Variants in PLAGL1 observed in about 807,000 individuals in gnomAD.
The protein encoded by PLAGL1 is zinc finger protein PLAGL1.
PLAGL1 carries 1 observed loss-of-function variant against 4.6 expected under a neutral mutation model. The ratio of observed to expected loss-of-function variants is 0.22; its 90% CI spans 0.08 to 1.03. The LOEUF (loss-of-function observed/expected upper bound fraction) is 1.03, where lower values mean the gene tolerates loss of function less well. PLAGL1 is among the 50% of genes least tolerant of loss of function. PLAGL1 has a pLI of 0.58. For missense variants in PLAGL1, 464 were observed against 570.4 expected, an observed-to-expected ratio of 0.81 and a Z score of 1.90; for synonymous variants, 240 against 237.8, an observed-to-expected ratio of 1.01 and a Z score of -0.08.
Position 143,989,341 on chromosome 6 carries a change from G to A in PLAGL1, c.-583-4167C>T, listed in dbSNP as rs960820422. Among the ~76,000 whole-genome samples, 11 of 152,188 alleles carry A rather than the reference G, an allele frequency of 7.2e-5. No homozygotes were observed. Among genetic ancestry groups the A allele is most frequent in the African/African-American group, 2.2e-4 (9 of 41,444 alleles). ...CAGGTTAAACATTATTTCTGGCTAC[G>A]TCCATGCAGGTATTTCTGGATGAAA... On this transcript the variant is annotated intron_variant, in intron 1 of 7. Transcript: ENST00000674357. The surrounding 1 kb of genome is among the most constrained non-coding windows in gnomAD (Gnocchi z 4.8).
intron 1 of PLAGL1, among the ~76,000 whole-genome samples, chr6:143,991,303 C>G (rs1008961036): frequency 3.9e-5 from 6 of 152,120 alleles, no homozygotes; most frequent in African/African-American, 1.4e-4. Flanking sequence ...CCAACCAAGT[C>G]CAAAATATAT....
chr6:144,060,126 C>T (rs1215516201), intron 1 of PLAGL1, among the ~76,000 whole-genome samples: 1 of 152,082 alleles, frequency 6.6e-6, no homozygotes, highest in Non-Finnish European at 1.5e-5. Context: ...CAGCTCACTG[C>T]AGCCTCGACC....
At chr6:144,023,696 C>A (rs1053112488) in intron 1 of PLAGL1, among the ~76,000 whole-genome samples, 2 of 146,680 alleles carry the variant, frequency 1.4e-5, no homozygotes, top group African/African-American at 5.1e-5. Context: ...TACAGATAAG[C>A]AAGAGGGGAA....
rs143321508 is a variant in PLAGL1, at chr6:144,044,317, C to T, written c.-151+20151G>A. On this transcript the variant is annotated intron_variant, in intron 1 of 3. Transcript: ENST00000437412. ...CCTGCTTTGTCTTGTGGGCATTTAG[C>T]GCTATAAATTTCCCTCTACACACTG... 9.4e-4 allele frequency among the ~76,000 whole-genome samples: 143 copies of T among 152,244 alleles called. 1 individual carries two copies. In the East Asian group the frequency reaches 0.017, roughly 18 times the overall value.
chr6:144,024,627 T>C (rs1796210364), intron 1 of PLAGL1, among the ~76,000 whole-genome samples: 1 of 152,224 alleles, frequency 6.6e-6, no homozygotes, highest in African/African-American at 2.4e-5. Context: ...TTAAGTAGTC[T>C]TAGGTATGTC....
In PLAGL1 at chr6:143,942,672, A is replaced by G; in HGVS notation, c.153-9T>C. ...AATGGGTAGCCATATGCCTAGGAGC[A>G]GAAGGAGAAATTTCACAATAGAGAG... On this transcript the variant is annotated splice_polypyrimidine_tract_variant and intron_variant, in intron 7 of 7. Transcript: ENST00000674357. The surrounding 1 kb of genome is among the most constrained non-coding windows in gnomAD (Gnocchi z 7.6). 1 of 1,600,320 alleles carries G rather than the reference A, an allele frequency of 6.2e-7. No homozygotes were observed. Among genetic ancestry groups the G allele is most frequent in the Non-Finnish European group, 8.5e-7 (1 of 1,172,862 alleles).
At position 143,973,442 on chromosome 6, in the gene PLAGL1, G is replaced by A. The variant is rs1031059652; in HGVS notation, c.-543-4464C>T. On this transcript the variant is annotated intron_variant, in intron 2 of 7. Transcript: ENST00000674357. This position sits in a 1 kb window ranked among gnomAD's most constrained non-coding sequence, Gnocchi z 6.2. ...AATCACCCAGCATAATATACTGCTC[G>A]CTAGTTCATCCAAGGTCAGAGGGAG... 1.3e-5 allele frequency among the ~76,000 whole-genome samples: 2 copies of A among 152,102 alleles called. No homozygotes were observed. Among genetic ancestry groups the A allele is most frequent in the Non-Finnish European group, 2.9e-5 (2 of 68,030 alleles).
rs55768066 is a variant in PLAGL1 at position 143,985,982 on chromosome 6, T to TTATA, written c.-583-812_-583-809dup. ...TATATCAAATTATATATATATAAAA[T>TTATA]TATATATATATATATATATATATAT... On this transcript the variant is annotated intron_variant, in intron 1 of 7. Coordinates refer to ENST00000674357, the MANE Select transcript of PLAGL1 (RefSeq NM_001317162.2). This position sits in a 1 kb window ranked among gnomAD's most constrained non-coding sequence, Gnocchi z 4.4. Among the ~76,000 whole-genome samples, 3,186 of 111,440 alleles carry TTATA rather than the reference T, an allele frequency of 0.029. 146 individuals carry two copies. Among genetic ancestry groups the TTATA allele is most frequent in the African/African-American group, 0.058 (1,675 of 28,856 alleles). 73.1% of individuals were successfully genotyped at this position (111,440 alleles called of 152,430 possible).
Position 144,055,877 on chromosome 6 carries a change from G to C in PLAGL1, c.-151+8591C>G, listed in dbSNP as rs1798929701. 2.6e-5 allele frequency among the ~76,000 whole-genome samples: 4 copies of C among 152,150 alleles called. No homozygotes were observed. Among genetic ancestry groups the C allele is most frequent in the Admixed American group, 2.6e-4 (4 of 15,280 alleles). On this transcript the variant is annotated intron_variant, in intron 1 of 3. Coordinates refer to the PLAGL1 transcript ENST00000437412. This position sits in a 1 kb window ranked among gnomAD's most constrained non-coding sequence, Gnocchi z 5.0. Reference sequence around the variant, plus strand: ...CATTCACACACACAGAGAGATTCATGTTCCACCTACATGACAGCCCTGTGA... The same window carrying C: ...CATTCACACACACAGAGAGATTCATCTTCCACCTACATGACAGCCCTGTGA...
intron 7 of PLAGL1, among the ~76,000 whole-genome samples, chr6:143,943,172 C>T (rs1414480511): frequency 6.6e-6 from 1 of 151,562 alleles, no homozygotes; most frequent in Non-Finnish European, 1.5e-5. Flanking sequence ...CCAGAATATT[C>T]TTAAAGAGAA....
intron 1 of PLAGL1, among the ~76,000 whole-genome samples, chr6:144,038,401 T>C (rs1478022056): frequency 6.6e-6 from 1 of 152,152 alleles, no homozygotes; most frequent in African/African-American, 2.4e-5. Flanking sequence ...AGAACAAAGT[T>C]AAGGGGCCAT....
rs548879471 is a variant in PLAGL1 at position 143,990,005 on chromosome 6, C to A, written c.-583-4831G>T. ...CCATATCCACAGGAGGATGCACCCT[C>A]CCTAAAACCAGAGGCCAACTCCACC... On this transcript the variant is annotated intron_variant, in intron 1 of 7. Transcript: ENST00000674357. This position sits in a 1 kb window ranked among gnomAD's most constrained non-coding sequence, Gnocchi z 5.4. Among the ~76,000 whole-genome samples the A allele has an allele frequency of 1.3e-5, 2 of 152,348 alleles. No homozygotes were observed. The highest frequency in any genetic ancestry group is 4.1e-4 in the South Asian group (2 of 4,832).
chr6:143,996,158 T>C (rs890989731), intron 1 of PLAGL1, among the ~76,000 whole-genome samples: 8 of 152,190 alleles, frequency 5.3e-5, no homozygotes, highest in African/African-American at 1.9e-4. Flanking sequence ...ATGGGGTGAT[T>C]TGAGAGAACT....
At chr6:144,057,774 CCA>C (rs1799085267) in intron 1 of PLAGL1, among the ~76,000 whole-genome samples, 1 of 114,580 alleles carries the variant, frequency 8.7e-6, no homozygotes, top group East Asian at 2.6e-4. Context: ...CCACGCCTCA[CCA>C]TTTTTTTTTT....
chr6:143,950,639 C>T lies in PLAGL1; in HGVS notation c.-324-2179G>A, dbSNP rs995237152. On this transcript the variant is annotated intron_variant, in intron 6 of 7. Transcript: ENST00000674357. This position sits in a 1 kb window ranked among gnomAD's most constrained non-coding sequence, Gnocchi z 6.3. Reference sequence around the variant, plus strand: ...TTATAGCTGAACTCAAAATAGCACTCGTCCCACTCGCCCCTTCAGAGAAGG... The same window carrying T: ...TTATAGCTGAACTCAAAATAGCACTTGTCCCACTCGCCCCTTCAGAGAAGG... 6.6e-6 allele frequency among the ~76,000 whole-genome samples: 1 copy of T among 152,156 alleles called. No homozygotes were observed. The highest frequency in any genetic ancestry group is 1.5e-5 in the Non-Finnish European group (1 of 68,036).
chr6:144,063,193 G>A lies in PLAGL1; in HGVS notation c.-151+1275C>T, dbSNP rs1183754857. Among the ~76,000 whole-genome samples, 2 of 152,136 alleles carry A rather than the reference G, an allele frequency of 1.3e-5. No homozygotes were observed. Among genetic ancestry groups the A allele is most frequent in the Admixed American group, 6.6e-5 (1 of 15,266 alleles). The stretch of plus-strand genomic sequence containing the variant: ...GAATTTATTTGTTGCAACCTGCACC[G>A]GAACTTTGTAGTATTCCAATTTCTC... On this transcript the variant is annotated intron_variant, in intron 1 of 3. Coordinates refer to the PLAGL1 transcript ENST00000437412. The surrounding 1 kb of genome is among the most constrained non-coding windows in gnomAD (Gnocchi z 5.7).
In PLAGL1 at chr6:144,034,263, C is replaced by A. The variant is rs1797050389; in HGVS notation, c.-151+30205G>T. On this transcript the variant is annotated intron_variant, in intron 1 of 3. Transcript: ENST00000437412. The surrounding 1 kb of genome is among the most constrained non-coding windows in gnomAD (Gnocchi z 4.7). ...TTCCATCTTTCTCTAGCTGCCAAGG[C>A]CCAGGCTGACAACCCCCCAACCACA... Among the ~76,000 whole-genome samples, 1 of 152,082 alleles carries A rather than the reference C, an allele frequency of 6.6e-6. No homozygotes were observed. The highest frequency in any genetic ancestry group is 1.5e-5 in the Non-Finnish European group (1 of 68,004).
chr6:144,057,801 C>A (rs1312986350), intron 1 of PLAGL1, among the ~76,000 whole-genome samples: 1 of 142,654 alleles, frequency 7.0e-6, no homozygotes, highest in African/African-American at 2.6e-5. Context: ...TTTTTTACCT[C>A]TACATGCTTC....
rs967443306 is a variant in PLAGL1, at chr6:144,063,161, A to G, written c.-151+1307T>C. ...CAGCCCAAAGATCACTTGCAGAACC[A>G]AAGAATGAATTTATTTGTTGCAACC... On this transcript the variant is annotated intron_variant, in intron 1 of 3. Coordinates refer to the PLAGL1 transcript ENST00000437412. This position sits in a 1 kb window ranked among gnomAD's most constrained non-coding sequence, Gnocchi z 5.7. Among the ~76,000 whole-genome samples the G allele has an allele frequency of 3.3e-5, 5 of 152,202 alleles. No homozygotes were observed. The highest frequency in any genetic ancestry group is 1.2e-4 in the African/African-American group (5 of 41,446).
Sources: gnomAD v4.1 joint callset for allele counts (sites outside exome capture counted in the v4.1 genomes callset) on GRCh38, gnomAD v4.1.1 for gene constraint, Gnocchi (gnomAD v3.1) non-coding constraint, MANE v1.5 for transcripts, NCBI Gene and HGNC (gene_info 2026-07-23, HGNC 2026-07-21) for gene names.